Variants in ELMOD1 observed in about 807,000 individuals in gnomAD.
ELMOD1 encodes ELMO domain containing 1, also known as ELMO domain-containing protein 1.
In ELMOD1, 21 loss-of-function variants were observed where a neutral mutation model predicts 46.7. The ratio of observed to expected loss-of-function variants is 0.45; its 90% CI spans 0.32 to 0.65. ELMOD1 has a LOEUF of 0.65. Ranked by LOEUF, ELMOD1 falls within the 30% of genes least tolerant of loss-of-function variation. The pLI, the probability that ELMOD1 is intolerant of heterozygous loss-of-function variation, is 0.04. For missense variants in ELMOD1, 348 were observed against 407.8 expected, an observed-to-expected ratio of 0.85 and a Z score of 1.26; for synonymous variants, 122 against 138.2, an observed-to-expected ratio of 0.88 and a Z score of 0.82.
Position 107,620,162 on chromosome 11 carries a change from G to A in ELMOD1, c.17+1956G>A, listed in dbSNP as rs182659628. ...GCTCAGCAAATGTATTATGGAGAAT[G>A]AGGAGCTGACTTTTCACTGGGAAGA... On this transcript the variant is annotated intron_variant, in intron 2 of 11. Coordinates refer to ENST00000265840, the MANE Select transcript of ELMOD1 (RefSeq NM_018712.4). 23 of 152,332 alleles carry A rather than the reference G, an allele frequency of 1.5e-4. No individual in the cohort carries two copies. The East Asian group carries it at 3.9e-3, about 26-fold the overall frequency. 9.4% of individuals were successfully genotyped at this position (152,332 alleles called of 1,614,324 possible). A position where few individuals can be genotyped will look rare whatever the true frequency, so the allele number is the denominator to read the frequency against.
chr11:107,603,145 CTT>C (rs1242746229), intron 1 of ELMOD1, among the ~76,000 whole-genome samples: 1 of 152,218 alleles, frequency 6.6e-6, no homozygotes, highest in African/African-American at 2.4e-5. Context: ...AGCTCAACCT[CTT>C]TACAAGTAAA....
Position 107,629,623 on chromosome 11 carries a change from T to G in ELMOD1, c.18-794T>G, listed in dbSNP as rs146601466. 7.2e-5 allele frequency among the ~76,000 whole-genome samples: 11 copies of G among 152,330 alleles called. No homozygotes were observed. In the East Asian group the frequency reaches 1.7e-3, roughly 24 times the overall value. On this transcript the variant is annotated intron_variant, in intron 2 of 11. Coordinates refer to ENST00000265840, the MANE Select transcript of ELMOD1 (RefSeq NM_018712.4). Reference sequence around the variant, plus strand: ...AATAAGCACATGACTGGTGACAATATAGTTCATCATTTGTTGCGGTATTGC... The same window carrying G: ...AATAAGCACATGACTGGTGACAATAGAGTTCATCATTTGTTGCGGTATTGC...
chr11:107,654,168 T>C lies in ELMOD1; in HGVS notation c.648-4T>C, dbSNP rs1866578774. Reference sequence around the variant, plus strand: ...CTTACTTACTTATTCATTCATCCATTCAGCAAATTCAGCAAAGCAGAATGG... The same window carrying C: ...CTTACTTACTTATTCATTCATCCATCCAGCAAATTCAGCAAAGCAGAATGG... On this transcript the variant is annotated splice_polypyrimidine_tract_variant and splice_region_variant and intron_variant, in intron 9 of 11. Coordinates refer to ENST00000265840, the MANE Select transcript of ELMOD1 (RefSeq NM_018712.4). 15 of 1,578,234 alleles carry C rather than the reference T, an allele frequency of 9.5e-6. No individual in the cohort carries two copies. The highest frequency in any genetic ancestry group is 1.3e-5 in the Non-Finnish European group (15 of 1,160,844).
At chr11:107,629,889 A>G (rs1343444152) in intron 2 of ELMOD1, among the ~76,000 whole-genome samples, 2 of 152,250 alleles carry the variant, frequency 1.3e-5, no homozygotes, top group Middle Eastern at 3.4e-3. Context: ...GAGGTCTGCA[A>G]TGCCTAAGGG....
intron 1 of ELMOD1, chr11:107,591,871 G>C (rs1337505134): frequency 6.2e-6 from 3 of 483,748 alleles, no homozygotes; most frequent in Non-Finnish European, 1.3e-5. Flanking sequence ...GCCGGGCTGC[G>C]GGGCCGCCGG....
intron 6 of ELMOD1, chr11:107,643,461 C>G (rs974528123): frequency 3.3e-6 from 1 of 300,688 alleles, no homozygotes; most frequent in Non-Finnish European, 6.9e-6. Context: ...TATACTAACC[C>G]TGCTGGGGAA....
chr11:107,618,261 C>G, intron 2 of ELMOD1, 55 bp downstream of exon 2: 1 of 1,536,836 alleles, frequency 6.5e-7, no homozygotes, highest in Non-Finnish European at 8.8e-7. Flanking sequence ...AACCTCCTCA[C>G]TGGTTAGGGT....
At chr11:107,648,478 G>A (rs1298885149) in intron 7 of ELMOD1, among the ~76,000 whole-genome samples, 2 of 152,202 alleles carry the variant, frequency 1.3e-5, no homozygotes, top group Non-Finnish European at 2.9e-5. Context: ...GTGCTGCAAC[G>A]AATCAGAGGG....
At chr11:107,630,596 G>C (rs368950811) in intron 3 of ELMOD1, 34 bp downstream of exon 3, 8 of 1,606,556 alleles carry the variant, frequency 5.0e-6, no homozygotes, top group Non-Finnish European at 6.8e-6. Context: ...GCAAAAGGTA[G>C]AGTTGGTATG....
chr11:107,652,588 G>A (rs932633456), intron 9 of ELMOD1, among the ~76,000 whole-genome samples: 1 of 152,090 alleles, frequency 6.6e-6, no homozygotes, highest in African/African-American at 2.4e-5. Flanking sequence ...GAGAAAATAG[G>A]TGCTTATAAA....
chr11:107,657,467 G>A (rs921830142), intron 11 of ELMOD1, among the ~76,000 whole-genome samples: 3 of 152,184 alleles, frequency 2.0e-5, no homozygotes, highest in Non-Finnish European at 2.9e-5. Context: ...GGCCAAGGCT[G>A]CTATGAGCTA....
chr11:107,630,301 A>G, intron 2 of ELMOD1, 116 bp from the exon 3 acceptor site: 1 of 842,910 alleles, frequency 1.2e-6, no homozygotes, highest in South Asian at 1.9e-5. Context: ...TGTTAAGTAT[A>G]AGGTGATTTT....
chr11:107,644,614 A>G (rs1591129444), intron 6 of ELMOD1, among the ~76,000 whole-genome samples: 1 of 151,878 alleles, frequency 6.6e-6, no homozygotes, highest in East Asian at 2.0e-4. Flanking sequence ...AGCTGGGACT[A>G]CAGGCGCCTG....
At chr11:107,606,382 T>G (rs1555060133) in intron 1 of ELMOD1, among the ~76,000 whole-genome samples, 4 of 152,216 alleles carry the variant, frequency 2.6e-5, no homozygotes, top group Non-Finnish European at 5.9e-5. Flanking sequence ...CCATCTGTGC[T>G]CTTGCCTGAT....
chr11:107,620,078 T>G (rs535061334), intron 2 of ELMOD1: 2 of 152,224 alleles, frequency 1.3e-5, no homozygotes, highest in South Asian at 2.1e-4. Context: ...ATCTTTTCAT[T>G]TGAACCAAAG....
intron 7 of ELMOD1, among the ~76,000 whole-genome samples, chr11:107,648,828 T>C (rs1306610843): frequency 1.3e-5 from 2 of 152,290 alleles, no homozygotes; most frequent in East Asian, 3.9e-4. Context: ...ATATGTTTAT[T>C]GTAACTCAGC....
intron 2 of ELMOD1, among the ~76,000 whole-genome samples, chr11:107,625,066 G>A (rs951941835): frequency 1.3e-5 from 2 of 152,150 alleles, no homozygotes; most frequent in Non-Finnish European, 2.9e-5. Context: ...AGAGACCCAC[G>A]GATGGTTTCT....
At position 107,656,017 on chromosome 11, in the gene ELMOD1, C is replaced by T; in HGVS notation, c.783C>T (p.Tyr261=). 1.9e-6 allele frequency: 3 copies of T among 1,566,378 alleles called. No individual in the cohort carries two copies. The highest frequency in any genetic ancestry group is 1.2e-5 in the South Asian group (1 of 85,558). Residue 261 remains tyrosine, a synonymous_variant, in exon 11 of 12, where the codon TAC becomes TAT. Transcript: ENST00000265840. ...LVSGALKTHF[Y]NIAPEAPTLS... ...GCGGAGCTCTAAAAACCCATTTCTA[C>T]AATATCGCCCCAGAAGCTCCAACAT...
At position 107,656,006 on chromosome 11, in the gene ELMOD1, A is replaced by T. The variant is rs765518075; in HGVS notation, c.772A>T (p.Thr258Ser). The T allele has an allele frequency of 1.9e-6, 3 of 1,575,582 alleles. No individual in the cohort carries two copies. The highest frequency in any genetic ancestry group is 1.2e-5 in the South Asian group (1 of 86,376). Reference protein sequence around the residue: ...YNLLVSGALKTHFYNIAPEAP... With the variant: ...YNLLVSGALKSHFYNIAPEAP... ...TCTACTGGTCAGCGGAGCTCTAAAA[A>T]CCCATTTCTACAATATCGCCCCAGA... Residue 258 changes from threonine to serine, a missense_variant, in exon 11 of 12, where the codon ACC becomes TCC. Physicochemically the swap from Thr to Ser is moderately conservative, Grantham distance 58. Transcript: ENST00000265840.
Sources: gnomAD v4.1 joint callset for allele counts (sites outside exome capture counted in the v4.1 genomes callset) on GRCh38, gnomAD v4.1.1 for gene constraint, MANE v1.5 for transcripts, NCBI Gene and HGNC (gene_info 2026-07-23, HGNC 2026-07-21) for gene names.